FANCM: variants seen among roughly 807,000 people sequenced by gnomAD.
FANCM encodes the protein Fanconi anemia group M protein.
Under a neutral mutation model 199.5 loss-of-function variants are expected in FANCM, and 140 were observed. The observed-to-expected ratio is 0.70, with a 90% CI of 0.61 to 0.81. The LOEUF (loss-of-function observed/expected upper bound fraction) is 0.81, where lower values mean the gene tolerates loss of function less well. Ranked by LOEUF, FANCM falls within the 30% of genes least tolerant of loss-of-function variation. The pLI, the probability that FANCM is intolerant of heterozygous loss-of-function variation, is 0.00. For synonymous variants in FANCM, 840 were observed against 836.8 expected (o/e 1.00, Z -0.07); for missense variants, 2,410 against 2,421.4 (o/e 1.00, Z 0.10).
chr14:45,195,352 T>A (rs1240943510), intron 20 of FANCM: 1 of 343,200 alleles, frequency 2.9e-6, no homozygotes, highest in African/African-American at 2.1e-5. Flanking sequence ...AGTATGTAGA[T>A]ACCAATTCGA....
At chr14:45,169,249 G>C (rs544453727) in intron 11 of FANCM, among the ~76,000 whole-genome samples, 2 of 152,038 alleles carry the variant, frequency 1.3e-5, no homozygotes, top group South Asian at 4.1e-4. Flanking sequence ...AGGGACTGGG[G>C]GTACCTGCCT....
intron 10 of FANCM, 39 bp downstream of exon 10, chr14:45,164,604 T>C: frequency 2.0e-6 from 3 of 1,463,968 alleles, no homozygotes; most frequent in Non-Finnish European, 2.8e-6. Flanking sequence ...ACACTTGAAA[T>C]TTGAGAAATA....
chr14:45,150,434 G>A (rs1053497966), intron 4 of FANCM, among the ~76,000 whole-genome samples: 1 of 151,408 alleles, frequency 6.6e-6, no homozygotes, highest in African/African-American at 2.4e-5. Context: ...TGGAAGGGAG[G>A]AAAAAAAATG....
At chr14:45,155,329 G>A (rs770883283) in intron 7 of FANCM, 44 bp from the exon 8 acceptor site, 6 of 857,102 alleles carry the variant, frequency 7.0e-6, no homozygotes, top group Non-Finnish European at 1.2e-5. Context: ...AATTGAATAT[G>A]GAAAAAAACA....
chr14:45,136,080 T>G lies in FANCM; in HGVS notation c.49T>G (p.Ser17Ala). 1 of 1,613,944 alleles carries G rather than the reference T, an allele frequency of 6.2e-7. No homozygotes were observed. Among genetic ancestry groups the G allele is most frequent in the South Asian group, 1.1e-5 (1 of 91,078 alleles). The change falls in exon 1 of 23, where the codon TCC becomes GCC. Residue 17 changes from serine (S) to alanine (A), a missense_variant. Physicochemically the swap from Ser to Ala is moderately conservative, Grantham distance 99. Transcript: ENST00000267430. The part of the protein sequence containing the change: ...TLFQTWGSSI[S>A]RSSGTPGCSS... ...TTTTCAGACGTGGGGCTCAAGTATC[T>G]CCCGATCATCTGGGACTCCGGGTTG...
intron 2 of FANCM, among the ~76,000 whole-genome samples, chr14:45,138,714 G>A (rs1885703488): frequency 6.6e-6 from 1 of 152,076 alleles, no homozygotes; most frequent in Non-Finnish European, 1.5e-5. Context: ...AACATTTCTA[G>A]GCATTAGATT....
rs1304031426 is a variant in FANCM, at chr14:45,136,016, G to A, written c.-16G>A. On this transcript the variant is annotated 5_prime_UTR_variant, in exon 1 of 23. Transcript: ENST00000267430. ...CTACGGATATCTGACAGAAGCCTTC[G>A]GTGGTTGTCGGCCTAATGAGCGGAC... 3 of 1,612,886 alleles carry A rather than the reference G, an allele frequency of 1.9e-6. No homozygotes were observed. The highest frequency in any genetic ancestry group is 2.5e-6 in the Non-Finnish European group (3 of 1,179,992).
rs891134881 is a variant in FANCM, at chr14:45,178,746, A to G, written c.4222+1770A>G. Reference sequence around the variant, plus strand: ...CTGTCTGGGTAGATGTTTTAGTAGCAGAATGTGAGGAGAAATTTACTGAGT... The same window carrying G: ...CTGTCTGGGTAGATGTTTTAGTAGCGGAATGTGAGGAGAAATTTACTGAGT... On this transcript the variant is annotated intron_variant, in intron 14 of 22. Transcript: ENST00000267430. 1.1e-4 allele frequency among the ~76,000 whole-genome samples: 17 copies of G among 152,218 alleles called. 1 individual carries two copies. Among genetic ancestry groups the G allele is most frequent in the Admixed American group, 1.1e-3 (17 of 15,278 alleles).
At position 45,196,560 on chromosome 14, in the gene FANCM, A is replaced by G; in HGVS notation, c.5716+13A>G. 1 of 1,610,874 alleles carries G rather than the reference A, an allele frequency of 6.2e-7. No individual in the cohort carries two copies. Among genetic ancestry groups the G allele is most frequent in the Non-Finnish European group, 8.5e-7 (1 of 1,179,054 alleles). On this transcript the variant is annotated intron_variant, in intron 21 of 22. Transcript: ENST00000267430. Reference sequence around the variant, plus strand: ...AGAGAAAAAACAGGTTTGTATTTTTAAATATCTTTGTTTATAAGACTGTAA... The same window carrying G: ...AGAGAAAAAACAGGTTTGTATTTTTGAATATCTTTGTTTATAAGACTGTAA...
chr14:45,191,943 A>G (rs899542706), intron 20 of FANCM, among the ~76,000 whole-genome samples: 14 of 151,996 alleles, frequency 9.2e-5, no homozygotes, highest in African/African-American at 3.1e-4. Context: ...CCTTGTTGTC[A>G]TGTTTAGAAA....
chr14:45,165,733 T>C (rs1038821253), intron 10 of FANCM, among the ~76,000 whole-genome samples: 1 of 152,184 alleles, frequency 6.6e-6, no homozygotes, highest in African/African-American at 2.4e-5. Flanking sequence ...GTGAGTGGAA[T>C]TGGGTTCTAA....
chr14:45,189,289 TC>T lies in FANCM; in HGVS notation c.5269del (p.Gln1757SerfsTer46). 1 of 1,613,936 alleles carries T rather than the reference TC, an allele frequency of 6.2e-7. No individual in the cohort carries two copies. The highest frequency in any genetic ancestry group is 1.1e-5 in the South Asian group (1 of 91,082). On this transcript the variant is annotated frameshift_variant, in exon 20 of 23. Transcript: ENST00000267430. LOFTEE classifies it high-confidence loss of function. ...TTCAAACCTCAGAATCATAATGAAG[TC>T]CAGTCTACCACACCACCCTTCACTA... The part of the protein sequence containing the change: ...SDFKPQNHNE[V>X]QSTTPPFTTV...
chr14:45,138,171 T>C (rs1454428893), intron 2 of FANCM, among the ~76,000 whole-genome samples: 1 of 152,084 alleles, frequency 6.6e-6, no homozygotes, highest in Non-Finnish European at 1.5e-5. Context: ...AGTTCTGAGG[T>C]AGATAGAGAT....
rs377410891 is a variant in FANCM at position 45,187,795 on chromosome 14, G to C, written c.4687G>C (p.Ala1563Pro). 5 of 1,528,766 alleles carry C rather than the reference G, an allele frequency of 3.3e-6. No homozygotes were observed. The African/African-American group carries it at 6.8e-5, about 21-fold the overall frequency. 94.7% of individuals were successfully genotyped at this position (1,528,766 alleles called of 1,614,324 possible). A position where few individuals can be genotyped will look rare whatever the true frequency, so the allele number is the denominator to read the frequency against. The change falls in exon 19 of 23, where the codon GCT becomes CCT. Residue 1563 changes from alanine (A) to proline (P), a missense_variant. Transcript: ENST00000267430. ...SQAINDSEMR[A>P]IYMKSLRSPM... is the part of the protein sequence containing the mutation. Reference sequence around the variant, plus strand: ...TCTTTACACAGATTCTGAAATGAGAGCTATTTACATGAAATCTTTGCGTAG... The same window carrying C: ...TCTTTACACAGATTCTGAAATGAGACCTATTTACATGAAATCTTTGCGTAG...
chr14:45,144,606 C>T (rs1886232647), intron 3 of FANCM, among the ~76,000 whole-genome samples: 1 of 152,178 alleles, frequency 6.6e-6, no homozygotes, highest in African/African-American at 2.4e-5. Flanking sequence ...GGAGCCTCTC[C>T]CCATGGTCAC....
intron 8 of FANCM, among the ~76,000 whole-genome samples, chr14:45,157,769 TG>T (rs1463618301): frequency 6.6e-6 from 1 of 152,250 alleles, no homozygotes; most frequent in Non-Finnish European, 1.5e-5. Context: ...TCCTACGTTT[TG>T]TTTTTGTATT....
chr14:45,140,680 C>T lies in FANCM; in HGVS notation c.730C>T (p.Leu244=), dbSNP rs376357342. Residue 244 remains leucine (L), a synonymous_variant, in exon 3 of 23, where the codon CTA becomes TTA. Transcript: ENST00000267430. The part of the protein sequence containing the change: ...KYTNHFRILA[L]SATPGSDIKA... ...TACAAATCACTTTAGAATCTTGGCTCTAAGTGCCACACCAGGTAGTGATAT... is the reference window on the plus strand; with the variant it reads ...TACAAATCACTTTAGAATCTTGGCTTTAAGTGCCACACCAGGTAGTGATAT... 1 of 1,601,390 alleles carries T rather than the reference C, an allele frequency of 6.2e-7. No individual in the cohort carries two copies. Among genetic ancestry groups the T allele is most frequent in the South Asian group, 1.1e-5 (1 of 90,764 alleles).
chr14:45,161,366 C>G (rs937917777), intron 9 of FANCM, among the ~76,000 whole-genome samples: 12 of 152,074 alleles, frequency 7.9e-5, no homozygotes, highest in African/African-American at 2.7e-4. Context: ...ATTGGGGGGG[C>G]CAGATCCTTT....
chr14:45,189,107 T>A lies in FANCM; in HGVS notation c.5085T>A (p.Val1695=). The A allele has an allele frequency of 6.2e-7, 1 of 1,614,198 alleles. No individual in the cohort carries two copies. The highest frequency in any genetic ancestry group is 8.5e-7 in the Non-Finnish European group (1 of 1,180,008). Residue 1695 remains valine (V), a synonymous_variant, in exon 20 of 23, where the codon GTT becomes GTA. Transcript: ENST00000267430. ...ATATTGCGGTTAACCCAAGCACTGT[T>A]AAGAAGAACAAACAACAGGACCATT... ...ESNIAVNPST[V]KKNKQQDHCL...
Sources: allele counts gnomAD v4.1 joint callset (sites outside exome capture counted in the v4.1 genomes callset), GRCh38; gene constraint gnomAD v4.1.1; transcripts MANE v1.5; gene names NCBI Gene and HGNC (gene_info 2026-07-23, HGNC 2026-07-21).